Variants in NUFIP2 observed in about 807,000 individuals in gnomAD.
NUFIP2 encodes nuclear FMR1 interacting protein 2.
In NUFIP2, 6 loss-of-function variants were observed where a neutral mutation model predicts 56.9. The ratio of observed to expected loss-of-function variants is 0.11; its 90% CI spans 0.06 to 0.21. The LOEUF (loss-of-function observed/expected upper bound fraction) is 0.21, where lower values mean the gene tolerates loss of function less well. Among genes scored for constraint, NUFIP2 ranks in the 10% least tolerant of loss-of-function variants. NUFIP2 has a pLI of 1.00. For synonymous variants in NUFIP2, 321 were observed against 298.2 expected (o/e 1.08, Z -0.79); for missense variants, 828 against 826.8 (o/e 1.00, Z -0.02).
Position 29,262,823 on chromosome 17 carries a change from G to A in NUFIP2, c.*1716C>T, listed in dbSNP as rs947232757. On this transcript the variant is annotated 3_prime_UTR_variant, in exon 4 of 4. Coordinates refer to ENST00000225388, the MANE Select transcript of NUFIP2 (RefSeq NM_020772.3). ...GCTTATACTTTTAAAATCTAAGCAG[G>A]GCAGAAATCCAGACTAAAAAGATAG... 2.0e-5 allele frequency: 3 copies of A among 151,592 alleles called. No individual in the cohort carries two copies. Among genetic ancestry groups the A allele is most frequent in the African/African-American group, 4.9e-5 (2 of 41,216 alleles). 9.4% of individuals were successfully genotyped at this position (151,592 alleles called of 1,614,324 possible).
chr17:29,277,313 C>T (rs946601161), intron 2 of NUFIP2, among the ~76,000 whole-genome samples: 1 of 152,126 alleles, frequency 6.6e-6, no homozygotes, highest in African/African-American at 2.4e-5. Flanking sequence ...TGTGCCACCA[C>T]GTCTGAACCT....
chr17:29,270,891 T>A (rs1202688606), intron 2 of NUFIP2, among the ~76,000 whole-genome samples: 1 of 152,174 alleles, frequency 6.6e-6, no homozygotes, highest in Non-Finnish European at 1.5e-5. Flanking sequence ...CATTTCCTTT[T>A]TTCTTCCCCA....
intron 1 of NUFIP2, among the ~76,000 whole-genome samples, chr17:29,292,229 T>G (rs2153013061): frequency 6.6e-6 from 1 of 152,098 alleles, no homozygotes; most frequent in South Asian, 2.1e-4. Flanking sequence ...GGCAAGATGG[T>G]AGTAGTCTAA....
chr17:29,277,730 C>T (rs930269658), intron 2 of NUFIP2, among the ~76,000 whole-genome samples: 3 of 151,944 alleles, frequency 2.0e-5, no homozygotes, highest in South Asian at 2.1e-4. Flanking sequence ...GCATGTTTTC[C>T]GGCCAGGTGC....
intron 2 of NUFIP2, among the ~76,000 whole-genome samples, chr17:29,278,609 TA>T (rs2069122607): frequency 4.8e-5 from 1 of 21,022 alleles, no homozygotes; most frequent in Admixed American, 3.2e-4. Flanking sequence ...ATGATAGTAA[TA>T]GCTTGGAATG....
chr17:29,292,890 G>GT (rs1567683515), intron 1 of NUFIP2, among the ~76,000 whole-genome samples: 1 of 146,360 alleles, frequency 6.8e-6, no homozygotes, highest in African/African-American at 2.5e-5. Flanking sequence ...ACGGGGGGGG[G>GT]GGCGGCCGCG....
rs1238160556 is a variant in NUFIP2, at chr17:29,258,487, G to A, written c.*6052C>T. On this transcript the variant is annotated 3_prime_UTR_variant, in exon 4 of 4. Transcript: ENST00000225388. ...TTACATAGACAAATGTTTTCTAAAA[G>A]ATCAGCAACAAATCAATGACACCAC... The A allele has an allele frequency of 6.6e-6, 1 of 152,114 alleles. No homozygotes were observed. The highest frequency in any genetic ancestry group is 6.5e-5 in the Admixed American group (1 of 15,268). The allele number at this position is 152,114 out of a possible 1,614,324, so 9.4% of individuals were successfully genotyped here.
chr17:29,285,582 T>C lies in NUFIP2; in HGVS notation c.2002+410A>G, dbSNP rs547835750. 3.3e-5 allele frequency among the ~76,000 whole-genome samples: 5 copies of C among 151,606 alleles called. No homozygotes were observed. In the South Asian group the frequency reaches 1.0e-3, roughly 32 times the overall value. On this transcript the variant is annotated intron_variant, in intron 2 of 3. Transcript: ENST00000225388. ...CTCCAGCCTGGCAAGAGAGTGAGAC[T>C]CCATCTCAAAGAAAAAAAACACAAA...
At chr17:29,266,042 C>T (rs1217695185) in intron 3 of NUFIP2, among the ~76,000 whole-genome samples, 1 of 152,206 alleles carries the variant, frequency 6.6e-6, no homozygotes, top group Non-Finnish European at 1.5e-5. Context: ...GTGATCTCAG[C>T]TCACTGCAAC....
chr17:29,263,307 T>C lies in NUFIP2; in HGVS notation c.*1232A>G, dbSNP rs1193912720. 6.6e-6 allele frequency: 1 copy of C among 152,472 alleles called. No homozygotes were observed. The highest frequency in any genetic ancestry group is 1.5e-5 in the Non-Finnish European group (1 of 68,006). The allele number at this position is 152,472 out of a possible 1,614,324, so 9.4% of individuals were successfully genotyped here. A position where few individuals can be genotyped will look rare whatever the true frequency, so the allele number is the denominator to read the frequency against. Reference sequence around the variant, plus strand: ...ATGCTCTTCTCTGCCCCAAAGAAAATTTCCAGAATTTCACATTATTTTCCT... The same window carrying C: ...ATGCTCTTCTCTGCCCCAAAGAAAACTTCCAGAATTTCACATTATTTTCCT... On this transcript the variant is annotated 3_prime_UTR_variant, in exon 4 of 4. Transcript: ENST00000225388.
At chr17:29,288,145 G>A (rs1392427697) in intron 1 of NUFIP2, among the ~76,000 whole-genome samples, 1 of 152,234 alleles carries the variant, frequency 6.6e-6, no homozygotes, top group Non-Finnish European at 1.5e-5. Flanking sequence ...CCGGGCTCAC[G>A]CCATTCTCCT....
intron 1 of NUFIP2, among the ~76,000 whole-genome samples, chr17:29,289,578 G>A (rs895520369): frequency 4.0e-5 from 6 of 151,864 alleles, no homozygotes; most frequent in Non-Finnish European, 8.8e-5. Context: ...GGCAACAAGA[G>A]CAAAATTCCA....
At chr17:29,266,073 C>T (rs973917589) in intron 3 of NUFIP2, among the ~76,000 whole-genome samples, 7 of 152,150 alleles carry the variant, frequency 4.6e-5, no homozygotes, top group African/African-American at 1.2e-4. Flanking sequence ...TGTGTTCAAG[C>T]GATTCTCCTG....
At chr17:29,291,055 A>G (rs56222955) in intron 1 of NUFIP2, among the ~76,000 whole-genome samples, 16,745 of 149,076 alleles carry the variant, frequency 0.11, 1,072 homozygotes, top group East Asian at 0.3. Context: ...AAAAAAAAAG[A>G]AAAGAAAATC....
At chr17:29,275,047 G>A (rs1454883147) in intron 2 of NUFIP2, among the ~76,000 whole-genome samples, 1 of 151,182 alleles carries the variant, frequency 6.6e-6, no homozygotes, top group African/African-American at 2.4e-5. Context: ...TTTTTGAGAA[G>A]GAGTTTCACT....
chr17:29,276,489 T>C (rs2069109343), intron 2 of NUFIP2, among the ~76,000 whole-genome samples: 2 of 152,038 alleles, frequency 1.3e-5, no homozygotes, highest in African/African-American at 2.4e-5. Flanking sequence ...CGCGCCACCA[T>C]GCCTGGCTAA....
At chr17:29,291,050 A>G (rs570870716) in intron 1 of NUFIP2, among the ~76,000 whole-genome samples, 53 of 150,138 alleles carry the variant, frequency 3.5e-4, no homozygotes, top group Admixed American at 3.0e-3. Flanking sequence ...AAAAAAAAAA[A>G]AAAGAAAAGA....
chr17:29,289,738 T>C (rs1345129485), intron 1 of NUFIP2, among the ~76,000 whole-genome samples: 1 of 152,186 alleles, frequency 6.6e-6, no homozygotes, highest in Non-Finnish European at 1.5e-5. Context: ...GAGAAGTCTA[T>C]TAGATTCACA....
intron 2 of NUFIP2, among the ~76,000 whole-genome samples, chr17:29,275,479 T>C (rs558293845): frequency 6.6e-6 from 1 of 151,970 alleles, no homozygotes; most frequent in East Asian, 1.9e-4. Flanking sequence ...GATATAAGAG[T>C]GGGTAGAGTC....
Sources: gnomAD v4.1 joint callset for allele counts (sites outside exome capture counted in the v4.1 genomes callset) on GRCh38, gnomAD v4.1.1 for gene constraint, MANE v1.5 for transcripts, NCBI Gene and HGNC (gene_info 2026-07-23, HGNC 2026-07-21) for gene names.